The following ZFP1 variants were observed in gnomAD, a reference collection of about 807,000 sequenced individuals.
The protein encoded by ZFP1 is ZFP1 zinc finger protein, also known as zinc finger protein 1 homolog.
In ZFP1, 32 loss-of-function variants were observed where a neutral mutation model predicts 38.5. The observed-to-expected ratio is 0.83, with a 90% CI of 0.63 to 1.12. The LOEUF (loss-of-function observed/expected upper bound fraction) is 1.12, where lower values mean the gene tolerates loss of function less well. Among genes scored for constraint, ZFP1 ranks in the 50% most tolerant of loss-of-function variants. ZFP1 has a pLI of 0.00. For missense variants in ZFP1, 616 were observed against 480.8 expected (o/e 1.28, Z -2.63); for synonymous variants, 245 against 168.8 (o/e 1.45, Z -3.50).
At chr16:75,150,515 G>C (rs1225691964) in intron 1 of ZFP1, among the ~76,000 whole-genome samples, 3 of 152,112 alleles carry the variant, frequency 2.0e-5, no homozygotes, top group Non-Finnish European at 4.4e-5. Context: ...CATCGCACCC[G>C]GCCCAGATCT....
chr16:75,133,713 T>A, the ZFP1 span, among the ~76,000 whole-genome samples: 2 of 152,242 alleles, frequency 1.3e-5, no homozygotes, highest in South Asian at 2.1e-4. Flanking sequence ...GCAAGACTAC[T>A]TCACAGATGA....
chr16:75,166,005 A>G (rs1344647155), intron 2 of ZFP1, among the ~76,000 whole-genome samples: 1 of 152,124 alleles, frequency 6.6e-6, no homozygotes, highest in Non-Finnish European at 1.5e-5. Context: ...TGTATTTTTT[A>G]AAAAAATTTT....
At chr16:75,140,128 C>T in the ZFP1 span, among the ~76,000 whole-genome samples, 3 of 152,004 alleles carry the variant, frequency 2.0e-5, no homozygotes, top group Non-Finnish European at 4.4e-5. Context: ...ACTAGCCGGG[C>T]GTGGTGGTGC....
chr16:75,124,904 T>G, the ZFP1 span, among the ~76,000 whole-genome samples: 1 of 129,540 alleles, frequency 7.7e-6, no homozygotes, highest in Admixed American at 8.2e-5. Flanking sequence ...AGAGAAATAA[T>G]TTCATATGAG....
intron 3 of ZFP1, among the ~76,000 whole-genome samples, chr16:75,167,994 GA>G (rs1438739363): frequency 6.6e-6 from 1 of 152,106 alleles, no homozygotes; most frequent in African/African-American, 2.4e-5. Flanking sequence ...TCGGGAGACG[GA>G]GGTTGCAGTG....
intron 2 of ZFP1, among the ~76,000 whole-genome samples, chr16:75,160,455 G>A (rs2037708247): frequency 6.6e-6 from 1 of 151,460 alleles, no homozygotes; most frequent in African/African-American, 2.4e-5. Context: ...ATTTAGCCAA[G>A]TGTGGTGGCT....
upstream of ZFP1, among the ~76,000 whole-genome samples, chr16:75,148,004 C>G (rs1385101362): frequency 1.3e-5 from 2 of 152,172 alleles, no homozygotes; most frequent in Middle Eastern, 6.8e-3. Context: ...TCAAGTTGTA[C>G]ATCTTAAATA....
At chr16:75,142,281 C>A in the ZFP1 span, among the ~76,000 whole-genome samples, 1 of 150,620 alleles carries the variant, frequency 6.6e-6, no homozygotes, top group African/African-American at 2.4e-5. Context: ...GCAGGAGAAT[C>A]ATTTTAACCC....
chr16:75,165,073 G>A (rs1446373577), intron 2 of ZFP1, among the ~76,000 whole-genome samples: 1 of 152,134 alleles, frequency 6.6e-6, no homozygotes, highest in Non-Finnish European at 1.5e-5. Flanking sequence ...CCAAAGTGCT[G>A]GGATTACAGG....
the ZFP1 span, among the ~76,000 whole-genome samples, chr16:75,121,108 T>C: frequency 6.6e-6 from 1 of 152,118 alleles, no homozygotes; most frequent in Non-Finnish European, 1.5e-5. Context: ...ACTTAAAAGG[T>C]AGTCCCTTTA....
intron 3 of ZFP1, among the ~76,000 whole-genome samples, chr16:75,168,630 T>G (rs1484518668): frequency 6.6e-6 from 1 of 152,154 alleles, no homozygotes; most frequent in African/African-American, 2.4e-5. Flanking sequence ...GTTTCTGGAT[T>G]TTACCATTTG....
chr16:75,121,356 A>C, the ZFP1 span, among the ~76,000 whole-genome samples: 2 of 151,934 alleles, frequency 1.3e-5, no homozygotes, highest in Non-Finnish European at 2.9e-5. Context: ...CGATCTCCTG[A>C]CCTTGTGATC....
chr16:75,154,548 A>G (rs1434174974), intron 2 of ZFP1, among the ~76,000 whole-genome samples: 1 of 146,074 alleles, frequency 6.8e-6, no homozygotes, highest in African/African-American at 2.5e-5. Context: ...TTACATTCCC[A>G]CATTCTCACC....
chr16:75,153,097 A>G (rs2037290908), intron 2 of ZFP1, 131 bp downstream of exon 2: 3 of 1,246,204 alleles, frequency 2.4e-6, no homozygotes, highest in Non-Finnish European at 3.3e-6. Context: ...AATCAATACC[A>G]GCAGCCAAAA....
rs766300352 is a variant in ZFP1, at chr16:75,166,760, G to A, written c.16-10G>A. Reference sequence around the variant, plus strand: ...ATCATCTTAGGATGAATAACAATATGCCATTTCAGGGATCAGTTTCATTCA... The same window carrying A: ...ATCATCTTAGGATGAATAACAATATACCATTTCAGGGATCAGTTTCATTCA... On this transcript the variant is annotated splice_polypyrimidine_tract_variant and intron_variant, in intron 2 of 3. Transcript: ENST00000570010. 2.7e-5 allele frequency: 44 copies of A among 1,614,084 alleles called. No individual in the cohort carries two copies. The highest frequency in any genetic ancestry group is 3.6e-5 in the Non-Finnish European group (42 of 1,179,984).
chr16:75,165,786 T>C (rs542527971), intron 2 of ZFP1, among the ~76,000 whole-genome samples: 1 of 151,870 alleles, frequency 6.6e-6, no homozygotes, highest in Non-Finnish European at 1.5e-5. Flanking sequence ...TGGTGTGGGG[T>C]GTGTTGGAAA....
intron 2 of ZFP1, among the ~76,000 whole-genome samples, chr16:75,153,835 C>T (rs1175158785): frequency 2.6e-5 from 4 of 152,170 alleles, no homozygotes; most frequent in Non-Finnish European, 5.9e-5. Context: ...ATCCCGTGCT[C>T]CGCCTATGCA....
intron 2 of ZFP1, chr16:75,157,222 T>C (rs2037513045): frequency 6.6e-6 from 1 of 150,996 alleles, no homozygotes. Context: ...GTATGTTTTT[T>C]AGGCTGAATT....
chr16:75,129,104 C>T, the ZFP1 span, among the ~76,000 whole-genome samples: 1 of 152,184 alleles, frequency 6.6e-6, no homozygotes, highest in Non-Finnish European at 1.5e-5. Flanking sequence ...ACTTTCGTAT[C>T]TGTCTACTGA....
Sources: allele counts gnomAD v4.1 joint callset (sites outside exome capture counted in the v4.1 genomes callset), GRCh38; gene constraint gnomAD v4.1.1; transcripts MANE v1.5; gene names NCBI Gene and HGNC (gene_info 2026-07-23, HGNC 2026-07-21).